Variants in DSCAML1 observed in about 807,000 individuals in gnomAD.
The protein encoded by DSCAML1 is DS cell adhesion molecule like 1, also known as cell adhesion molecule DSCAML1.
Under a neutral mutation model 200.5 loss-of-function variants are expected in DSCAML1, and 38 were observed. The observed-to-expected ratio is 0.19, with a 90% CI of 0.15 to 0.25. The LOEUF is 0.25. Ranked by LOEUF, DSCAML1 falls within the 10% of genes least tolerant of loss-of-function variation. DSCAML1 has a pLI of 1.00. For synonymous variants in DSCAML1, 1,215 were observed against 1,165.0 expected (o/e 1.04, Z -0.87); for missense variants, 2,223 against 2,858.8 (o/e 0.78, Z 5.07).
chr11:117,577,487 T>TTCCTTCCCTCCC (rs2050960161), intron 3 of DSCAML1, among the ~76,000 whole-genome samples: 1 of 39,038 alleles, frequency 2.6e-5, no homozygotes, highest in Non-Finnish European at 6.7e-5. Flanking sequence ...CCTTCCTTCC[T>TTCCTTCCCTCCC]TCCTTCCTTC....
intron 3 of DSCAML1, among the ~76,000 whole-genome samples, chr11:117,616,420 T>C (rs752246990): frequency 3.9e-5 from 6 of 152,232 alleles, no homozygotes; most frequent in Non-Finnish European, 5.9e-5. Context: ...ACTGTACTGC[T>C]ACTGATGTAT....
intron 3 of DSCAML1, among the ~76,000 whole-genome samples, chr11:117,731,243 CTG>C (rs2054213807): frequency 6.6e-6 from 1 of 152,182 alleles, no homozygotes; most frequent in Non-Finnish European, 1.5e-5. Context: ...CGCCTCAGCT[CTG>C]TCTTAGCAAG....
chr11:117,452,341 G>C (rs184378824), intron 19 of DSCAML1, among the ~76,000 whole-genome samples: 3 of 152,270 alleles, frequency 2.0e-5, no homozygotes, highest in Non-Finnish European at 2.9e-5. Flanking sequence ...CTAGTAAATT[G>C]AGTCTTTTAT....
chr11:117,793,981 C>T (rs2055524761), intron 1 of DSCAML1, among the ~76,000 whole-genome samples: 1 of 152,078 alleles, frequency 6.6e-6, no homozygotes, highest in South Asian at 2.1e-4. Flanking sequence ...TCGCCTGCCT[C>T]CCCTAAGTTG....
At chr11:117,452,063 C>G (rs150990516) in intron 19 of DSCAML1, among the ~76,000 whole-genome samples, 2,140 of 152,300 alleles carry the variant, frequency 0.014, 59 homozygotes, top group African/African-American at 0.049. Context: ...CCCTGCTACA[C>G]AGTCCTGTGT....
At chr11:117,651,123 G>C (rs1253198531) in intron 3 of DSCAML1, among the ~76,000 whole-genome samples, 1 of 152,264 alleles carries the variant, frequency 6.6e-6, no homozygotes, top group Non-Finnish European at 1.5e-5. Flanking sequence ...CCCACATTTT[G>C]ACCGAAGCCT....
intron 3 of DSCAML1, among the ~76,000 whole-genome samples, chr11:117,639,225 GTGGGAGGCTGGATGGA>G (rs1436068268): frequency 6.6e-6 from 1 of 151,800 alleles, no homozygotes; most frequent in Admixed American, 6.6e-5. Flanking sequence ...AGCTGCATGG[GTGGGAGGCTGGATGGA>G]TGGGAGGCTG....
rs1356746958 is a variant in DSCAML1, at chr11:117,505,885, C to T, written c.1784-153G>A. Among the ~76,000 whole-genome samples the T allele has an allele frequency of 6.6e-6, 1 of 152,226 alleles. No individual in the cohort carries two copies. Among genetic ancestry groups the T allele is most frequent in the Non-Finnish European group, 1.5e-5 (1 of 68,038 alleles). ...CCTTGTTCTCCTATGCATGCAGGGT[C>T]TCCTAATGATGCCTGGCTCCTGTCC... is the stretch of plus-strand genomic sequence containing the variant. On this transcript the variant is annotated intron_variant, in intron 8 of 32. Transcript: ENST00000651296. This position sits in a 1 kb window ranked among gnomAD's most constrained non-coding sequence, Gnocchi z 6.7.
intron 3 of DSCAML1, among the ~76,000 whole-genome samples, chr11:117,701,169 G>A (rs2053660844): frequency 6.6e-6 from 1 of 152,140 alleles, no homozygotes; most frequent in Non-Finnish European, 1.5e-5. Context: ...AGGAGGCTGA[G>A]GCAGGAGAAT....
chr11:117,799,115 G>A (rs924306492), upstream of DSCAML1, among the ~76,000 whole-genome samples: 3 of 152,146 alleles, frequency 2.0e-5, no homozygotes, highest in African/African-American at 2.4e-5. Flanking sequence ...GAGCCCTCAC[G>A]TTTCCAGTCT....
intron 15 of DSCAML1, among the ~76,000 whole-genome samples, chr11:117,471,579 A>G (rs2048686465): frequency 6.6e-6 from 1 of 152,262 alleles, no homozygotes; most frequent in Non-Finnish European, 1.5e-5. Flanking sequence ...AAAATGATCC[A>G]GGCCCTAGTA....
At chr11:117,541,080 G>A (rs980492382) in intron 3 of DSCAML1, among the ~76,000 whole-genome samples, 1 of 152,196 alleles carries the variant, frequency 6.6e-6, no homozygotes, top group African/African-American at 2.4e-5. Context: ...CATCTACTAC[G>A]GGGATTTTAA....
chr11:117,778,780 G>A (rs983012698), intron 2 of DSCAML1, among the ~76,000 whole-genome samples: 5 of 152,220 alleles, frequency 3.3e-5, no homozygotes, highest in Non-Finnish European at 7.3e-5. Flanking sequence ...TCCACGCTGT[G>A]GAGGCCAGAG....
In DSCAML1 at chr11:117,428,392, G is replaced by A. The variant is rs776993235; in HGVS notation, c.6098C>T (p.Ser2033Leu). Residue 2033 changes from serine to leucine, a missense_variant, in exon 33 of 33, where the codon TCG (serine) becomes TTG (leucine). Transcript: ENST00000651296. ...SRDSLLEMST[S>L]GVGRSQKQGA... The stretch of plus-strand genomic sequence containing the variant: ...CTGCTTCTGAGACCTCCCTACCCCC[G>A]ATGTGCTCATCTCGAGAAGCGAGTC... 2.5e-5 allele frequency: 39 copies of A among 1,584,232 alleles called. No individual in the cohort carries two copies. Among genetic ancestry groups the A allele is most frequent in the Admixed American group, 3.9e-5 (2 of 51,114 alleles).
At chr11:117,444,109 T>C in intron 20 of DSCAML1, 70 bp from the exon 21 acceptor site, 1 of 1,514,208 alleles carries the variant, frequency 6.6e-7, no homozygotes, top group Non-Finnish European at 8.9e-7. Flanking sequence ...TCTTCCTCAG[T>C]GCCCGGGGCT....
At chr11:117,500,073 C>G (rs1234775608) in intron 11 of DSCAML1, among the ~76,000 whole-genome samples, 1 of 152,244 alleles carries the variant, frequency 6.6e-6, no homozygotes, top group African/African-American at 2.4e-5. Flanking sequence ...ATAGGACAGT[C>G]ACAGGCCTTC....
At position 117,771,198 on chromosome 11, in the gene DSCAML1, C is replaced by T. The variant is rs142928417; in HGVS notation, c.511+5593G>A. 6.0e-4 allele frequency among the ~76,000 whole-genome samples: 77 copies of T among 128,158 alleles called. 1 individual carries two copies. The highest frequency in any genetic ancestry group is 2.2e-3 in the African/African-American group (76 of 34,268). The allele number at this position is 128,158 out of a possible 152,430, so 84.1% of individuals were successfully genotyped here. ...GATTCGTGGGAGCCAAAGAAGTGAC[C>T]TTCATGTCAGCCTGAACGAAATGTA... On this transcript the variant is annotated intron_variant, in intron 3 of 32. Coordinates refer to ENST00000651296, the MANE Select transcript of DSCAML1 (RefSeq NM_020693.4).
intron 3 of DSCAML1, among the ~76,000 whole-genome samples, chr11:117,637,748 A>G (rs2052321858): frequency 6.6e-6 from 1 of 152,242 alleles, no homozygotes; most frequent in Non-Finnish European, 1.5e-5. Flanking sequence ...AGAAGTCCAC[A>G]TACAAACAAT....
intron 11 of DSCAML1, among the ~76,000 whole-genome samples, chr11:117,483,550 AGTG>A (rs907517170): frequency 7.2e-5 from 11 of 152,146 alleles, no homozygotes; most frequent in African/African-American, 2.7e-4. Context: ...GTTTCACTCT[AGTG>A]GTGAGAACAG....
Sources: gnomAD v4.1 joint callset for allele counts (sites outside exome capture counted in the v4.1 genomes callset) on GRCh38, gnomAD v4.1.1 for gene constraint, Gnocchi (gnomAD v3.1) non-coding constraint, MANE v1.5 for transcripts, NCBI Gene and HGNC (gene_info 2026-07-23, HGNC 2026-07-21) for gene names.